IQUB: variants seen among roughly 807,000 people sequenced by gnomAD.
The protein encoded by IQUB is IQ motif and ubiquitin-like domain-containing protein.
Under a neutral mutation model 86.4 loss-of-function variants are expected in IQUB, and 86 were observed. The ratio of observed to expected loss-of-function variants is 1.00; its 90% CI spans 0.84 to 1.19. The LOEUF (loss-of-function observed/expected upper bound fraction) is 1.19. IQUB is among the 50% of genes most tolerant of loss of function. IQUB has a pLI of 0.00. For synonymous variants in IQUB, 289 were observed against 304.5 expected, an observed-to-expected ratio of 0.95 and a Z score of 0.53; for missense variants, 946 against 916.9, an observed-to-expected ratio of 1.03 and a Z score of -0.41.
intron 1 of IQUB, among the ~76,000 whole-genome samples, chr7:123,518,190 C>T (rs1796734711): frequency 6.6e-6 from 1 of 151,876 alleles, no homozygotes; most frequent in South Asian, 2.1e-4. Context: ...TCAAAAAGCA[C>T]TGTCAATACT....
Position 123,512,131 on chromosome 7 carries a change from G to T in IQUB, c.210C>A (p.Ser70Arg). 1 of 1,613,908 alleles carries T rather than the reference G, an allele frequency of 6.2e-7. No homozygotes were observed. Among genetic ancestry groups the T allele is most frequent in the Non-Finnish European group, 8.5e-7 (1 of 1,179,902 alleles). Residue 70 changes from serine to arginine, a missense_variant, in exon 2 of 13, where the codon AGC becomes AGA. Transcript: ENST00000324698. ...VEEQSDQSFSSLEPDNEQLME... is the reference protein window; with the variant it reads ...VEEQSDQSFSRLEPDNEQLME... ...TGAGTTGTTCATTGTCTGGTTCCAG[G>T]CTTGAAAAGCTTTGGTCACTCTGCT...
chr7:123,481,874 A>G (rs762824690), intron 7 of IQUB, among the ~76,000 whole-genome samples: 4 of 152,132 alleles, frequency 2.6e-5, no homozygotes, highest in Non-Finnish European at 5.9e-5. Flanking sequence ...AGCAAAACAA[A>G]GCGTAACAGT....
At chr7:123,520,485 G>A (rs998778023) in intron 1 of IQUB, among the ~76,000 whole-genome samples, 2 of 152,172 alleles carry the variant, frequency 1.3e-5, no homozygotes, top group African/African-American at 4.8e-5. Context: ...GTGTGGGGAA[G>A]GAATGCCTCT....
At chr7:123,460,889 A>C (rs1049669288) in intron 11 of IQUB, among the ~76,000 whole-genome samples, 1 of 151,820 alleles carries the variant, frequency 6.6e-6, no homozygotes, top group African/African-American at 2.4e-5. Flanking sequence ...GATTCATCCA[A>C]AAGAACTCTG....
Position 123,502,944 on chromosome 7 carries a change from C to T in IQUB, c.867G>A (p.Gln289=), listed in dbSNP as rs1239773227. 1.2e-6 allele frequency: 2 copies of T among 1,604,694 alleles called. No homozygotes were observed. Among genetic ancestry groups the T allele is most frequent in the East Asian group, 2.2e-5 (1 of 44,754 alleles). The change falls in exon 5 of 13, where the codon CAG becomes CAA. Residue 289 remains glutamine (Q), a splice_region_variant and synonymous_variant. Coordinates refer to ENST00000324698, the MANE Select transcript of IQUB (RefSeq NM_178827.5). ...ERLSIFCRDT[Q]TVFQKKNLQQ... is the part of the protein sequence containing the mutation. Reference sequence around the variant, plus strand: ...CTAAAGAGACAAATAAAAACATTACCTGCGTATCCCTACAAAATATACTGA... The same window carrying T: ...CTAAAGAGACAAATAAAAACATTACTTGCGTATCCCTACAAAATATACTGA...
chr7:123,519,443 A>C (rs1230616803), intron 1 of IQUB, among the ~76,000 whole-genome samples: 2 of 152,236 alleles, frequency 1.3e-5, no homozygotes, highest in Non-Finnish European at 2.9e-5. Context: ...GCATGTATAC[A>C]CACAATGAAA....
intron 1 of IQUB, among the ~76,000 whole-genome samples, chr7:123,517,636 GTC>G (rs1275492663): frequency 1.3e-5 from 2 of 150,928 alleles, no homozygotes; most frequent in Non-Finnish European, 3.0e-5. Context: ...AGCTGTCAGT[GTC>G]TCTTAAGCAG....
rs768028187 is a variant in IQUB, at chr7:123,452,832, G to T, written c.2287C>A (p.Leu763Ile). 6 of 1,613,154 alleles carry T rather than the reference G, an allele frequency of 3.7e-6. No homozygotes were observed. In the South Asian group the frequency reaches 6.6e-5, roughly 18 times the overall value. Residue 763 changes from leucine (L) to isoleucine (I), a missense_variant, in exon 13 of 13, where the codon CTT (leucine) becomes ATT (isoleucine). Leu to Ile is a conservative substitution (Grantham distance 5, BLOSUM62 2). Transcript: ENST00000324698. ...ATCTCATCAATTTCACCATCATCAA[G>T]TATAAATGAAGCCAGCACTGGAACC... The part of the protein sequence containing the change: ...SQVPVLASFI[L>I]DDGEIDEIRW...
intron 1 of IQUB, among the ~76,000 whole-genome samples, chr7:123,523,425 G>T (rs1172236243): frequency 6.6e-6 from 1 of 151,720 alleles, no homozygotes; most frequent in Non-Finnish European, 1.5e-5. Context: ...TCTCATTGTG[G>T]TTTTGATTTG....
intron 1 of IQUB, among the ~76,000 whole-genome samples, chr7:123,525,541 G>A (rs527693683): frequency 2.6e-5 from 4 of 152,158 alleles, no homozygotes; most frequent in African/African-American, 9.6e-5. Flanking sequence ...TGGGATAGGT[G>A]GTGATATCCC....
chr7:123,499,636 A>T lies in IQUB; in HGVS notation c.1024-2730T>A, dbSNP rs570556809. 3.3e-5 allele frequency among the ~76,000 whole-genome samples: 5 copies of T among 152,336 alleles called. No homozygotes were observed. In the South Asian group the frequency reaches 1.0e-3, roughly 32 times the overall value. ...AGGAAACAAAGAAAGGAGGGGGCAG[A>T]AAATGAAGAAAAGCCTAGTAAGGTT... On this transcript the variant is annotated intron_variant, in intron 6 of 12. Transcript: ENST00000324698.
At chr7:123,493,944 C>A (rs991473582) in intron 7 of IQUB, among the ~76,000 whole-genome samples, 10 of 151,908 alleles carry the variant, frequency 6.6e-5, no homozygotes, top group Non-Finnish European at 1.5e-5. Flanking sequence ...CACATCCATG[C>A]AATGGCATAC....
chr7:123,527,323 TC>T (rs1204308651), intron 1 of IQUB, among the ~76,000 whole-genome samples: 2 of 152,248 alleles, frequency 1.3e-5, no homozygotes, highest in Non-Finnish European at 2.9e-5. Context: ...CTCGTCAAAG[TC>T]ATTCTCCATC....
intron 8 of IQUB, among the ~76,000 whole-genome samples, chr7:123,472,175 T>C (rs1794551274): frequency 6.6e-6 from 1 of 151,372 alleles, no homozygotes; most frequent in South Asian, 2.1e-4. Flanking sequence ...GAGGTGGAAG[T>C]TGCAGTGCAC....
intron 11 of IQUB, among the ~76,000 whole-genome samples, chr7:123,460,855 G>A (rs7807811): frequency 0.32 from 48,669 of 151,498 alleles, 8,012 homozygotes; most frequent in African/African-American, 0.39. Context: ...AGCAGATTAC[G>A]TAGGGTCAAT....
intron 7 of IQUB, among the ~76,000 whole-genome samples, chr7:123,489,439 T>C (rs1795362037): frequency 6.6e-6 from 1 of 152,070 alleles, no homozygotes; most frequent in African/African-American, 2.4e-5. Flanking sequence ...AGATACTACA[T>C]GAGTAAAAAT....
chr7:123,480,054 T>TA (rs1794934806), intron 7 of IQUB, 84 bp from the exon 8 acceptor site: 4 of 1,032,236 alleles, frequency 3.9e-6, no homozygotes, highest in Non-Finnish European at 2.8e-6. Context: ...ATTTTATTTT[T>TA]ACATCAATTT....
chr7:123,471,852 T>C (rs771612710), intron 8 of IQUB, among the ~76,000 whole-genome samples: 8 of 152,224 alleles, frequency 5.3e-5, no homozygotes, highest in Non-Finnish European at 1.0e-4. Flanking sequence ...AATGTCTCTA[T>C]TTCAGTGACT....
At chr7:123,525,199 G>A (rs925662458) in intron 1 of IQUB, among the ~76,000 whole-genome samples, 1 of 152,082 alleles carries the variant, frequency 6.6e-6, no homozygotes, top group African/African-American at 2.4e-5. Flanking sequence ...TTGGTATCAG[G>A]ATGATGCTGG....
Sources: allele counts gnomAD v4.1 joint callset (sites outside exome capture counted in the v4.1 genomes callset), GRCh38; gene constraint gnomAD v4.1.1; transcripts MANE v1.5; gene names NCBI Gene and HGNC (gene_info 2026-07-23, HGNC 2026-07-21).